The following NAV2 variants were observed in gnomAD, a reference collection of about 807,000 sequenced individuals.
NAV2 encodes the protein helicase, APC down-regulated 1.
In NAV2, 54 loss-of-function variants were observed where a neutral mutation model predicts 223.2. That is an observed-to-expected ratio of 0.24 (90% CI 0.19 to 0.30). NAV2 has a LOEUF of 0.30. Ranked by LOEUF, NAV2 falls within the 10% of genes least tolerant of loss-of-function variation. The pLI is 1.00. For missense variants in NAV2, 2,806 were observed against 3,147.5 expected (o/e 0.89, Z 2.60); for synonymous variants, 1,279 against 1,239.3 (o/e 1.03, Z -0.67).
chr11:19,922,311 C>G (rs2044349292), intron 6 of NAV2, among the ~76,000 whole-genome samples: 1 of 152,072 alleles, frequency 6.6e-6, no homozygotes, highest in African/African-American at 2.4e-5. Context: ...GAAAGGAAAG[C>G]CACCTTGTTC....
chr11:20,040,586 C>A (rs183044820), intron 12 of NAV2, among the ~76,000 whole-genome samples: 8 of 152,282 alleles, frequency 5.3e-5, no homozygotes, highest in African/African-American at 1.9e-4. Flanking sequence ...GCTCCTCAGG[C>A]CTCACCTCTT....
chr11:19,997,770 G>A (rs184916925), intron 11 of NAV2, among the ~76,000 whole-genome samples: 89 of 152,258 alleles, frequency 5.8e-4, no homozygotes, highest in Non-Finnish European at 1.0e-3. Flanking sequence ...AGGGCAGGCC[G>A]CTGTTGACTA....
At chr11:20,059,265 A>G (rs1341368042) in intron 19 of NAV2, among the ~76,000 whole-genome samples, 3 of 152,290 alleles carry the variant, frequency 2.0e-5, no homozygotes, top group East Asian at 3.9e-4. Flanking sequence ...GCCTAGATCC[A>G]CATTCTCTTT....
intron 29 of NAV2, among the ~76,000 whole-genome samples, chr11:20,094,383 C>T (rs1182399015): frequency 6.6e-6 from 1 of 151,914 alleles, no homozygotes; most frequent in Non-Finnish European, 1.5e-5. Context: ...GTACCTGCCA[C>T]CATGCCCGGC....
chr11:19,643,018 G>A (rs7119125), intron 1 of NAV2, among the ~76,000 whole-genome samples: 2,062 of 152,294 alleles, frequency 0.014, 54 homozygotes, highest in African/African-American at 0.047. Flanking sequence ...ATTCTGAGAT[G>A]TGTGCCAGCG....
chr11:19,481,653 A>G (rs1379266756), intron 1 of NAV2, among the ~76,000 whole-genome samples: 1 of 152,236 alleles, frequency 6.6e-6, no homozygotes, highest in Admixed American at 6.5e-5. Flanking sequence ...CATGTAATGC[A>G]TCTGGGGCAG....
At chr11:19,656,458 G>A (rs569361561) in intron 1 of NAV2, among the ~76,000 whole-genome samples, 1 of 152,336 alleles carries the variant, frequency 6.6e-6, no homozygotes, top group East Asian at 1.9e-4. Context: ...TGCCGTGAGT[G>A]AGGGGGGAGA....
chr11:19,940,597 C>T (rs981414635), intron 8 of NAV2, among the ~76,000 whole-genome samples: 22 of 152,284 alleles, frequency 1.4e-4, no homozygotes, highest in South Asian at 1.0e-3. Context: ...CTTCCACAGT[C>T]GGGTTAAAAA....
intron 1 of NAV2, among the ~76,000 whole-genome samples, chr11:19,440,545 T>C (rs1851364886): frequency 6.6e-6 from 1 of 151,946 alleles, no homozygotes; most frequent in South Asian, 2.1e-4. Flanking sequence ...CTCATGGGAG[T>C]CTTATATAAC....
At chr11:19,562,422 C>A (rs767412989) in intron 1 of NAV2, among the ~76,000 whole-genome samples, 12 of 152,092 alleles carry the variant, frequency 7.9e-5, no homozygotes, top group African/African-American at 2.9e-4. Flanking sequence ...TCCTTTAGGG[C>A]AGGATAAGAT....
chr11:19,486,446 G>A (rs1468801451), intron 1 of NAV2, among the ~76,000 whole-genome samples: 1 of 152,146 alleles, frequency 6.6e-6, no homozygotes, highest in Non-Finnish European at 1.5e-5. Context: ...ATCCCCAAAT[G>A]TCATGGAGGG....
intron 1 of NAV2, among the ~76,000 whole-genome samples, chr11:19,741,800 T>C (rs1030011861): frequency 5.9e-5 from 9 of 151,310 alleles, no homozygotes; most frequent in Non-Finnish European, 2.9e-5. Context: ...TTGCAAATAA[T>C]GCTGCAACAA....
chr11:19,386,411 T>C (rs111670745), intron 1 of NAV2, among the ~76,000 whole-genome samples: 196 of 152,278 alleles, frequency 1.3e-3, no homozygotes, highest in Middle Eastern at 6.8e-3. Context: ...ATACTACCCA[T>C]CTCATATGGT....
intron 27 of NAV2, among the ~76,000 whole-genome samples, chr11:20,091,664 A>G (rs1280247651): frequency 6.6e-6 from 1 of 152,138 alleles, no homozygotes; most frequent in African/African-American, 2.4e-5. Flanking sequence ...TAGGTTCTTC[A>G]TGAATATTCG....
intron 1 of NAV2, among the ~76,000 whole-genome samples, chr11:19,618,404 G>GGATGAATA (rs1565105270): frequency 8.1e-5 from 3 of 37,080 alleles, no homozygotes; most frequent in African/African-American, 1.4e-4. Context: ...ATGAATAGAT[G>GGATGAATA]GATGGATGGA....
intron 1 of NAV2, among the ~76,000 whole-genome samples, chr11:19,570,073 T>C (rs1230223395): frequency 6.6e-6 from 1 of 152,172 alleles, no homozygotes; most frequent in Non-Finnish European, 1.5e-5. Context: ...GGCCAGCATT[T>C]TGTTTGTGGA....
intron 17 of NAV2, among the ~76,000 whole-genome samples, chr11:20,053,020 C>T (rs1229690058): frequency 6.6e-6 from 1 of 151,848 alleles, no homozygotes; most frequent in Non-Finnish European, 1.5e-5. Context: ...AGTTCAAGAC[C>T]AGCCTGGCCA....
At chr11:19,889,563 C>T (rs141114912) in intron 5 of NAV2, among the ~76,000 whole-genome samples, 2 of 152,280 alleles carry the variant, frequency 1.3e-5, no homozygotes, top group Non-Finnish European at 2.9e-5. Context: ...TGTCCACTAT[C>T]CTCACAGTCC....
intron 1 of NAV2, among the ~76,000 whole-genome samples, chr11:19,692,827 G>T (rs981778320): frequency 6.6e-6 from 1 of 152,238 alleles, no homozygotes; most frequent in Non-Finnish European, 1.5e-5. Flanking sequence ...GTGCATGTGT[G>T]TTGAGGTGAG....
Sources: allele counts gnomAD v4.1 joint callset (sites outside exome capture counted in the v4.1 genomes callset), GRCh38; gene constraint gnomAD v4.1.1; transcripts MANE v1.5; gene names NCBI Gene and HGNC (gene_info 2026-07-23, HGNC 2026-07-21).